Variants in TCAIM observed in about 807,000 individuals in gnomAD.
The protein encoded by TCAIM is T cell activation inhibitor, mitochondrial.
TCAIM carries 36 observed loss-of-function variants against 58.6 expected under a neutral mutation model. The ratio of observed to expected loss-of-function variants is 0.61; its 90% CI spans 0.47 to 0.81. The LOEUF (loss-of-function observed/expected upper bound fraction) is 0.81, where lower values mean the gene tolerates loss of function less well. TCAIM is among the 30% of genes least tolerant of loss of function. The pLI, the probability that TCAIM is intolerant of heterozygous loss-of-function variation, is 0.00. For missense variants in TCAIM, 466 were observed against 579.6 expected (o/e 0.80, Z 2.01); for synonymous variants, 172 against 193.6 (o/e 0.89, Z 0.93).
At chr3:44,346,903 A>T (rs991321591) in intron 1 of TCAIM, among the ~76,000 whole-genome samples, 3 of 152,156 alleles carry the variant, frequency 2.0e-5, no homozygotes, top group Non-Finnish European at 2.9e-5. Context: ...CTAGTATGGG[A>T]GCAGCTTTTA....
intron 6 of TCAIM, among the ~76,000 whole-genome samples, chr3:44,393,451 A>G (rs1282018077): frequency 1.3e-5 from 2 of 151,686 alleles, no homozygotes; most frequent in East Asian, 1.9e-4. Flanking sequence ...ATAGAGCAAG[A>G]CTTCATCTCA....
intron 1 of TCAIM, among the ~76,000 whole-genome samples, chr3:44,350,756 G>T (rs1701071412): frequency 6.6e-6 from 1 of 152,052 alleles, no homozygotes; most frequent in Non-Finnish European, 1.5e-5. Flanking sequence ...TTTCACGTTT[G>T]TTGTAAATAA....
At chr3:44,388,282 T>C (rs1383949339) in intron 5 of TCAIM, among the ~76,000 whole-genome samples, 1 of 152,122 alleles carries the variant, frequency 6.6e-6, no homozygotes, top group Non-Finnish European at 1.5e-5. Flanking sequence ...GAAAAGAAAA[T>C]CCCAAATCGT....
At chr3:44,358,674 C>T (rs1256276573) in intron 3 of TCAIM, 6 of 880,184 alleles carry the variant, frequency 6.8e-6, no homozygotes, top group Non-Finnish European at 6.8e-6. Context: ...TCGCAGATTT[C>T]GGTATCCACG....
intron 1 of TCAIM, among the ~76,000 whole-genome samples, chr3:44,344,952 A>G (rs1315268438): frequency 6.6e-6 from 1 of 152,070 alleles, no homozygotes; most frequent in Non-Finnish European, 1.5e-5. Flanking sequence ...GGCCATTTTC[A>G]CTTCTTTTGT....
intron 4 of TCAIM, 30 bp from the exon 5 acceptor site, chr3:44,367,426 T>C (rs1701397266): frequency 2.5e-6 from 4 of 1,585,078 alleles, no homozygotes; most frequent in Non-Finnish European, 3.4e-6. Context: ...ATCATCTGTA[T>C]TAATTGTTTG....
At chr3:44,401,649 T>C (rs1702023166) in intron 10 of TCAIM, among the ~76,000 whole-genome samples, 1 of 152,210 alleles carries the variant, frequency 6.6e-6, no homozygotes. Flanking sequence ...TTAACAGGAA[T>C]CTTTATTGTT....
intron 5 of TCAIM, among the ~76,000 whole-genome samples, chr3:44,379,911 G>A (rs934609602): frequency 2.6e-5 from 4 of 152,014 alleles, no homozygotes; most frequent in Non-Finnish European, 5.9e-5. Context: ...GTGGGAGGAG[G>A]GAGAGGATCA....
At chr3:44,379,681 A>G (rs1166125478) in intron 5 of TCAIM, among the ~76,000 whole-genome samples, 2 of 152,162 alleles carry the variant, frequency 1.3e-5, no homozygotes, top group African/African-American at 4.8e-5. Flanking sequence ...ATGAGAACCA[A>G]TGGGCACAAC....
intron 5 of TCAIM, among the ~76,000 whole-genome samples, chr3:44,370,671 T>G (rs917106358): frequency 1.5e-4 from 22 of 151,552 alleles, no homozygotes; most frequent in Non-Finnish European, 2.1e-4. Context: ...GTTTTTTGTT[T>G]TTTTTTTTTA....
chr3:44,338,904 G>A (rs1359613910), intron 1 of TCAIM, 70 bp downstream of exon 1: 1 of 152,282 alleles, frequency 6.6e-6, no homozygotes, highest in Non-Finnish European at 1.5e-5. Context: ...GGGGTCGGAG[G>A]GGAGTGCTCA....
Position 44,409,121 on chromosome 3 carries a change from ACT to A in TCAIM, c.*1440_*1441del, listed in dbSNP as rs1416887120. On this transcript the variant is annotated 3_prime_UTR_variant, in exon 11 of 11. Transcript: ENST00000342649. ...AGTATGTTTTATATTTATCTAAAACACTGATTTTAAAAGTTTACATTCAAATG... is the reference window on the plus strand; with the variant it reads ...AGTATGTTTTATATTTATCTAAAACAGATTTTAAAAGTTTACATTCAAATG... The A allele has an allele frequency of 6.6e-6, 1 of 152,240 alleles. No homozygotes were observed. Among genetic ancestry groups the A allele is most frequent in the East Asian group, 1.9e-4 (1 of 5,202 alleles). The allele number at this position is 152,240 out of a possible 1,614,324, so 9.4% of individuals were successfully genotyped here. A position where few individuals can be genotyped will look rare whatever the true frequency, so the allele number is the denominator to read the frequency against.
In TCAIM at chr3:44,401,248, T is replaced by A; in HGVS notation, c.1164T>A (p.Ile388=). 6.2e-7 allele frequency: 1 copy of A among 1,614,108 alleles called. No individual in the cohort carries two copies. Among genetic ancestry groups the A allele is most frequent in the Non-Finnish European group, 8.5e-7 (1 of 1,180,006 alleles). ...TGCATGAACTCGGGCATTTTAATAT[T>A]CCAACACTCTGTGATCCAGCAAATC... ...PSLHELGHFN[I]PTLCDPANLQ... The change falls in exon 10 of 11, where the codon ATT becomes ATA. Residue 388 remains isoleucine (I), a synonymous_variant. Transcript: ENST00000342649.
Position 44,407,769 on chromosome 3 carries a change from A to C in TCAIM, c.*87A>C. 1 of 1,323,612 alleles carries C rather than the reference A, an allele frequency of 7.6e-7. No homozygotes were observed. The highest frequency in any genetic ancestry group is 1.0e-6 in the Non-Finnish European group (1 of 995,730). The allele number at this position is 1,323,612 out of a possible 1,614,324, so 82.0% of individuals were successfully genotyped here. On this transcript the variant is annotated 3_prime_UTR_variant, in exon 11 of 11. Coordinates refer to ENST00000342649, the MANE Select transcript of TCAIM (RefSeq NM_173826.4). ...ATCCACAATTTGATATAACAGTATTATTTACATAAGAACAAAGTTTCTAAC... is the reference window on the plus strand; with the variant it reads ...ATCCACAATTTGATATAACAGTATTCTTTACATAAGAACAAAGTTTCTAAC...
intron 5 of TCAIM, among the ~76,000 whole-genome samples, chr3:44,389,841 C>T (rs1701804238): frequency 1.3e-5 from 2 of 152,226 alleles, no homozygotes; most frequent in African/African-American, 2.4e-5. Flanking sequence ...CCCCACTTCA[C>T]CCCCAGTCCC....
In TCAIM at chr3:44,407,500, A is replaced by C. The variant is rs1354126132; in HGVS notation, c.1309A>C (p.Lys437Gln). Residue 437 changes from lysine (K) to glutamine (Q), a missense_variant, in exon 11 of 11, where the codon AAG becomes CAG. Transcript: ENST00000342649. Reference sequence around the variant, plus strand: ...ATCAACAAAGAAATTTTCTTTGGAGAAGTTATATAAAGAGCCCAGCATTTC... The same window carrying C: ...ATCAACAAAGAAATTTTCTTTGGAGCAGTTATATAAAGAGCCCAGCATTTC... ...QASTKKFSLE[K>Q]LYKEPSISSI... is the part of the protein sequence containing the mutation. The C allele has an allele frequency of 6.2e-7, 1 of 1,612,622 alleles. No individual in the cohort carries two copies. Among genetic ancestry groups the C allele is most frequent in the Non-Finnish European group, 8.5e-7 (1 of 1,179,164 alleles).
Position 44,400,418 on chromosome 3 carries a change from A to G in TCAIM, c.949A>G (p.Ile317Val), listed in dbSNP as rs1702002977. 1 of 1,613,870 alleles carries G rather than the reference A, an allele frequency of 6.2e-7. No homozygotes were observed. The highest frequency in any genetic ancestry group is 2.2e-5 in the East Asian group (1 of 44,784). Residue 317 changes from isoleucine to valine, a missense_variant, in exon 9 of 11, where the codon ATA becomes GTA. By Grantham distance (29) the Ile-to-Val change is conservative. Transcript: ENST00000342649. Reference sequence around the variant, plus strand: ...GAGGCTGATGATTTTAGAAGACCAAATAAGCTATCTTTTAGGTGGCATACA... The same window carrying G: ...GAGGCTGATGATTTTAGAAGACCAAGTAAGCTATCTTTTAGGTGGCATACA... The part of the protein sequence containing the change: ...QRRLMILEDQ[I>V]SYLLGGIQVV...
chr3:44,373,579 G>A (rs192441898), intron 5 of TCAIM, among the ~76,000 whole-genome samples: 3 of 151,952 alleles, frequency 2.0e-5, no homozygotes, highest in African/African-American at 2.4e-5. Flanking sequence ...GCTTGAACCC[G>A]GGAGGCAGAG....
At chr3:44,342,492 A>T (rs988618338) in intron 1 of TCAIM, among the ~76,000 whole-genome samples, 1 of 152,230 alleles carries the variant, frequency 6.6e-6, no homozygotes, top group African/African-American at 2.4e-5. Flanking sequence ...TTTCATCAAG[A>T]TTAACATTCT....
Sources: gnomAD v4.1 joint callset for allele counts (sites outside exome capture counted in the v4.1 genomes callset) on GRCh38, gnomAD v4.1.1 for gene constraint, MANE v1.5 for transcripts, NCBI Gene and HGNC (gene_info 2026-07-23, HGNC 2026-07-21) for gene names.